ITGA2: variants seen among roughly 807,000 people sequenced by gnomAD.
ITGA2 encodes the protein integrin subunit alpha 2.
ITGA2 carries 101 observed loss-of-function variants against 146.3 expected under a neutral mutation model. The observed-to-expected ratio is 0.69, with a 90% CI of 0.59 to 0.81. ITGA2 has a LOEUF of 0.81. Ranked by LOEUF, ITGA2 falls within the 40% of genes least tolerant of loss-of-function variation. ITGA2 has a pLI of 0.00. For synonymous variants in ITGA2, 477 were observed against 487.1 expected (o/e 0.98, Z 0.27); for missense variants, 1,281 against 1,402.7 (o/e 0.91, Z 1.39).
At chr5:53,062,031 A>T (rs1196059627) in intron 12 of ITGA2, among the ~76,000 whole-genome samples, 1 of 151,846 alleles carries the variant, frequency 6.6e-6, no homozygotes, top group Non-Finnish European at 1.5e-5. Context: ...ATCCTCAAAA[A>T]GTGTTCACAT....
At chr5:53,051,150 A>G (rs905217484) in intron 6 of ITGA2, among the ~76,000 whole-genome samples, 8 of 152,146 alleles carry the variant, frequency 5.3e-5, no homozygotes, top group Admixed American at 1.3e-4. Context: ...AAAACTACAA[A>G]TATTACTCTT....
chr5:53,062,612 G>T (rs1425879808), intron 12 of ITGA2, among the ~76,000 whole-genome samples, 174 bp from the exon 13 acceptor site: 1 of 151,912 alleles, frequency 6.6e-6, no homozygotes, highest in Non-Finnish European at 1.5e-5. Context: ...CCAGGTGTTA[G>T]ATGGTGTTAG....
At chr5:53,087,145 T>A in intron 28 of ITGA2, 104 bp downstream of exon 28, 1 of 803,196 alleles carries the variant, frequency 1.2e-6, no homozygotes, top group Non-Finnish European at 2.1e-6. Flanking sequence ...TATGTAGAAG[T>A]ATCTTACTAA....
At chr5:53,025,977 T>C (rs1004611295) in intron 1 of ITGA2, among the ~76,000 whole-genome samples, 1 of 152,184 alleles carries the variant, frequency 6.6e-6, no homozygotes, top group Non-Finnish European at 1.5e-5. Context: ...AAAAATAAAA[T>C]AAAATCTATC....
chr5:52,989,747 T>C (rs1362919021), intron 1 of ITGA2, among the ~76,000 whole-genome samples: 8 of 152,078 alleles, frequency 5.3e-5, no homozygotes, highest in Admixed American at 2.6e-4. Flanking sequence ...ATTAGGCGCG[T>C]CTCGCCCTGT....
At chr5:52,998,005 T>G (rs1423166799) in intron 1 of ITGA2, among the ~76,000 whole-genome samples, 1 of 152,210 alleles carries the variant, frequency 6.6e-6, no homozygotes, top group Non-Finnish European at 1.5e-5. Flanking sequence ...AATGCCACAT[T>G]GAAAAATGAT....
In ITGA2 at chr5:53,022,009, T is replaced by C. The variant is rs186349512; in HGVS notation, c.65-4739T>C. ...ATATATAGATATGCTCAAATTTGCA[T>C]TGACCACAAAAGTTAGACCCTTTTA... On this transcript the variant is annotated intron_variant, in intron 1 of 29. Coordinates refer to ENST00000296585, the MANE Select transcript of ITGA2 (RefSeq NM_002203.4). Among the ~76,000 whole-genome samples the C allele has an allele frequency of 1.2e-3, 179 of 152,308 alleles. 2 individuals carry two copies. In the South Asian group the frequency reaches 0.027, roughly 23 times the overall value.
intron 6 of ITGA2, 149 bp downstream of exon 6, chr5:53,048,919 C>A: frequency 1.2e-6 from 1 of 867,096 alleles, no homozygotes; most frequent in South Asian, 1.7e-5. Context: ...ACTTTTACTA[C>A]ATTGGGTTAT....
rs1380691618 is a variant in ITGA2 at position 53,092,397 on chromosome 5, A to C, written c.*1798A>C. ...GAAAACAGGTTATCTGCCCATGTGC[A>C]TATGGACAACCTTGACTACCCTGGC... On this transcript the variant is annotated 3_prime_UTR_variant, in exon 30 of 30. Transcript: ENST00000296585. 6.6e-6 allele frequency: 1 copy of C among 152,206 alleles called. No homozygotes were observed. Among genetic ancestry groups the C allele is most frequent in the Non-Finnish European group, 1.5e-5 (1 of 68,042 alleles). The allele number at this position is 152,206 out of a possible 1,614,324, so 9.4% of individuals were successfully genotyped here.
chr5:53,071,872 A>T, intron 17 of ITGA2, 66 bp from the exon 18 acceptor site: 1 of 1,105,508 alleles, frequency 9.0e-7, no homozygotes, highest in Non-Finnish European at 1.4e-6. Context: ...TTCTTGTTTT[A>T]ATGTTGCTAT....
At chr5:53,078,713 T>C (rs919182179) in intron 23 of ITGA2, 59 bp from the exon 24 acceptor site, 1 of 964,830 alleles carries the variant, frequency 1.0e-6, no homozygotes, top group African/African-American at 1.6e-5. Context: ...AAAAGAAATA[T>C]TAACCTTCAA....
At chr5:53,060,779 G>C in intron 11 of ITGA2, 122 bp from the exon 12 acceptor site, 3 of 894,820 alleles carry the variant, frequency 3.4e-6, no homozygotes, top group Non-Finnish European at 5.6e-6. Context: ...GTATTCAGGA[G>C]CACTAGAAAC....
At chr5:53,058,701 C>A (rs1469780495) in intron 10 of ITGA2, among the ~76,000 whole-genome samples, 3 of 151,664 alleles carry the variant, frequency 2.0e-5, no homozygotes, top group Admixed American at 6.6e-5. Context: ...AGAAAGAGAT[C>A]CTGGGAATTA....
intron 4 of ITGA2, among the ~76,000 whole-genome samples, chr5:53,046,762 A>G (rs1744112648): frequency 6.6e-6 from 1 of 152,122 alleles, no homozygotes; most frequent in Admixed American, 6.5e-5. Flanking sequence ...GGTCAAAATC[A>G]TAAGATACTC....
chr5:53,075,749 T>A (rs1019565230), intron 23 of ITGA2, among the ~76,000 whole-genome samples: 13 of 151,990 alleles, frequency 8.6e-5, no homozygotes, highest in African/African-American at 3.1e-4. Flanking sequence ...ACAGAGTAGG[T>A]CCACAATAAA....
At chr5:53,046,211 A>AAAAAG (rs1561119037) in intron 4 of ITGA2, among the ~76,000 whole-genome samples, 2 of 147,486 alleles carry the variant, frequency 1.4e-5, no homozygotes, top group Non-Finnish European at 1.5e-5. Context: ...AAAAAAAAAA[A>AAAAAG]AAAAGAAAAA....
chr5:53,030,714 G>A (rs1434167864), intron 2 of ITGA2, among the ~76,000 whole-genome samples: 3 of 152,240 alleles, frequency 2.0e-5, no homozygotes, highest in African/African-American at 4.8e-5. Flanking sequence ...CTTAAGGAGT[G>A]TAAAATAGAG....
rs1484589449 is a variant in ITGA2, at chr5:53,058,108, A to G, written c.1173+7A>G. On this transcript the variant is annotated splice_region_variant and intron_variant, in intron 10 of 29. Coordinates refer to ENST00000296585, the MANE Select transcript of ITGA2 (RefSeq NM_002203.4). ...AGATTACTCTTCTCAAAATGTGCGTATATCAGATAGCTTCAAGCCATGTTG... is the reference window on the plus strand; with the variant it reads ...AGATTACTCTTCTCAAAATGTGCGTGTATCAGATAGCTTCAAGCCATGTTG... 2.5e-6 allele frequency: 4 copies of G among 1,598,518 alleles called. No homozygotes were observed. The highest frequency in any genetic ancestry group is 1.3e-5 in the African/African-American group (1 of 74,530).
At chr5:53,003,510 A>G (rs1260679085) in intron 1 of ITGA2, among the ~76,000 whole-genome samples, 2 of 152,144 alleles carry the variant, frequency 1.3e-5, no homozygotes, top group African/African-American at 2.4e-5. Flanking sequence ...TTCCTGTGGT[A>G]TCCTCAAGCC....
Sources: allele counts gnomAD v4.1 joint callset (sites outside exome capture counted in the v4.1 genomes callset), GRCh38; gene constraint gnomAD v4.1.1; transcripts MANE v1.5; gene names NCBI Gene and HGNC (gene_info 2026-07-23, HGNC 2026-07-21).